Variants in IARS1 observed in about 807,000 individuals in gnomAD.
IARS1 encodes the protein isoleucyl-tRNA synthetase 1.
IARS1 carries 124 observed loss-of-function variants against 168.2 expected under a neutral mutation model. The ratio of observed to expected loss-of-function variants is 0.74; its 90% confidence interval spans 0.64 to 0.86. The LOEUF (loss-of-function observed/expected upper bound fraction) is 0.86. Ranked by LOEUF, IARS1 falls within the 40% of genes least tolerant of loss-of-function variation. The pLI is 0.00. For missense variants in IARS1, 1,452 were observed against 1,515.8 expected, an observed-to-expected ratio of 0.96 and a Z score of 0.70; for synonymous variants, 532 against 529.4, an observed-to-expected ratio of 1.00 and a Z score of -0.07.
intron 13 of IARS1, among the ~76,000 whole-genome samples, chr9:92,269,179 C>T (rs941465976): frequency 2.6e-5 from 4 of 152,170 alleles, no homozygotes; most frequent in Admixed American, 1.3e-4. Flanking sequence ...TATTAGAAAG[C>T]TACAGTTTAT....
chr9:92,243,343 T>C (rs778496538), intron 27 of IARS1, 32 bp from the exon 28 acceptor site: 1 of 1,437,786 alleles, frequency 7.0e-7, no homozygotes, highest in Non-Finnish European at 9.8e-7. Context: ...ACCATGACAA[T>C]CAAATAAGGA....
chr9:92,271,512 T>C, intron 11 of IARS1, 21 bp downstream of exon 11: 1 of 1,613,780 alleles, frequency 6.2e-7, no homozygotes, highest in Non-Finnish European at 8.5e-7. Context: ...GTCACCCTTC[T>C]ATGCTATATG....
At chr9:92,236,591 A>G (rs1202842341) in intron 30 of IARS1, among the ~76,000 whole-genome samples, 2 of 152,236 alleles carry the variant, frequency 1.3e-5, no homozygotes, top group Admixed American at 1.3e-4. Flanking sequence ...TCAAACCTGT[A>G]ATCCCAGCAT....
intron 10 of IARS1, among the ~76,000 whole-genome samples, chr9:92,273,101 CAGCCTGGGT>C (rs1221838510): frequency 1.4e-5 from 2 of 146,502 alleles, no homozygotes; most frequent in African/African-American, 5.1e-5. Flanking sequence ...CACTGCACTC[CAGCCTGGGT>C]GACAGAGCGA....
intron 6 of IARS1, among the ~76,000 whole-genome samples, chr9:92,281,398 T>A (rs1564187014): frequency 6.6e-6 from 1 of 152,242 alleles, no homozygotes; most frequent in East Asian, 1.9e-4. Flanking sequence ...CCTCCCAAAG[T>A]GCTGGGATTA....
chr9:92,237,482 A>G (rs753731152), intron 30 of IARS1, among the ~76,000 whole-genome samples: 5 of 152,202 alleles, frequency 3.3e-5, no homozygotes, highest in Non-Finnish European at 5.9e-5. Flanking sequence ...TGAGAGCTCA[A>G]AAATAATTTA....
chr9:92,246,421 A>G (rs1829209460), intron 26 of IARS1, among the ~76,000 whole-genome samples: 1 of 152,202 alleles, frequency 6.6e-6, no homozygotes, highest in Non-Finnish European at 1.5e-5. Context: ...GATTCTAATC[A>G]TGGCAGAGCT....
At chr9:92,240,560 C>CTTT in intron 30 of IARS1, 5 of 588,014 alleles carry the variant, frequency 8.5e-6, no homozygotes, top group Non-Finnish European at 1.2e-5. Context: ...ATGCCTGGCC[C>CTTT]TTTTTTTTTT....
At chr9:92,263,231 T>A (rs1831786648) in intron 16 of IARS1, among the ~76,000 whole-genome samples, 176 bp from the exon 17 acceptor site, 1 of 152,212 alleles carries the variant, frequency 6.6e-6, no homozygotes, top group Non-Finnish European at 1.5e-5. Context: ...TGTCTAAGAT[T>A]TGAAAGAAGC....
intron 33 of IARS1, among the ~76,000 whole-genome samples, chr9:92,213,999 C>T (rs1838198075): frequency 1.3e-5 from 2 of 151,852 alleles, no homozygotes; most frequent in South Asian, 4.2e-4. Flanking sequence ...GATGGGGTTT[C>T]ACCATATTGG....
Position 92,280,800 on chromosome 9 carries a change from G to A in IARS1, c.691C>T (p.Pro231Ser). The change falls in exon 7 of 34, where the codon CCT becomes TCT. Residue 231 changes from proline (P) to serine (S), a missense_variant. Coordinates refer to ENST00000443024, the MANE Select transcript of IARS1 (RefSeq NM_002161.6). ...TTAACACACACAGCAAGGTTACTAGGTAGAGTCCAGGGAGTGGTTGTCCAA... is the reference window on the plus strand; with the variant it reads ...TTAACACACACAGCAAGGTTACTAGATAGAGTCCAGGGAGTGGTTGTCCAA... ...VAWTTTPWTL[P>S]SNLAVCVNPE... 1 of 1,612,430 alleles carries A rather than the reference G, an allele frequency of 6.2e-7. No individual in the cohort carries two copies. Among genetic ancestry groups the A allele is most frequent in the Non-Finnish European group, 8.5e-7 (1 of 1,178,718 alleles).
chr9:92,223,517 G>C (rs1302698711), intron 31 of IARS1, 28 bp from the exon 32 acceptor site: 17 of 1,589,756 alleles, frequency 1.1e-5, no homozygotes, highest in Non-Finnish European at 1.5e-5. Context: ...AATTCTTTCA[G>C]GGTTAACGAA....
intron 33 of IARS1, among the ~76,000 whole-genome samples, chr9:92,214,786 C>T (rs530398454): frequency 9.2e-5 from 14 of 152,350 alleles, no homozygotes; most frequent in African/African-American, 3.1e-4. Flanking sequence ...CACGGAGTCT[C>T]GCTGATTGCT....
At chr9:92,271,955 G>C (rs1833104723) in intron 10 of IARS1, among the ~76,000 whole-genome samples, 1 of 152,196 alleles carries the variant, frequency 6.6e-6, no homozygotes, top group Admixed American at 6.5e-5. Flanking sequence ...AAGGAATTAA[G>C]AAAGTAAAGC....
chr9:92,286,390 A>T, intron 5 of IARS1, 146 bp downstream of exon 5: 1 of 578,998 alleles, frequency 1.7e-6, no homozygotes, highest in Non-Finnish European at 3.1e-6. Flanking sequence ...TAAAAGTTCT[A>T]CATTCAAAAA....
intron 19 of IARS1, among the ~76,000 whole-genome samples, chr9:92,257,676 CCAAGGGG>C (rs1830915710): frequency 6.6e-6 from 1 of 152,128 alleles, no homozygotes; most frequent in South Asian, 2.1e-4. Flanking sequence ...CAACCAGAGC[CCAAGGGG>C]AGCAGAAGTA....
At chr9:92,282,860 A>ATTTTTTT (rs35959111) in intron 6 of IARS1, among the ~76,000 whole-genome samples, 3 of 132,856 alleles carry the variant, frequency 2.3e-5, no homozygotes, top group African/African-American at 8.7e-5. Context: ...ATATATATAT[A>ATTTTTTT]TTTTTTTTTT....
intron 33 of IARS1, among the ~76,000 whole-genome samples, chr9:92,219,073 G>C (rs1418075741): frequency 6.6e-6 from 1 of 152,150 alleles, no homozygotes; most frequent in Non-Finnish European, 1.5e-5. Flanking sequence ...CCAAAATAGA[G>C]ATATAGATCA....
intron 5 of IARS1, 112 bp downstream of exon 5, chr9:92,286,423 CA>C (rs1424150544): frequency 1.6e-6 from 1 of 615,158 alleles, no homozygotes; most frequent in Non-Finnish European, 2.9e-6. Flanking sequence ...CAAAGATTTT[CA>C]GAGAAATAAC....
Sources: gnomAD v4.1 joint callset for allele counts (sites outside exome capture counted in the v4.1 genomes callset) on GRCh38, gnomAD v4.1.1 for gene constraint, MANE v1.5 for transcripts, NCBI Gene and HGNC (gene_info 2026-07-23, HGNC 2026-07-21) for gene names.